KRT39: variants seen among roughly 807,000 people sequenced by gnomAD.
The protein encoded by KRT39 is keratin 39.
A neutral mutation model predicts 54.8 loss-of-function variants in KRT39; 47 were observed. The ratio of observed to expected loss-of-function variants is 0.86; its 90% CI spans 0.68 to 1.09. The LOEUF is 1.09. KRT39 is among the 50% of genes least tolerant of loss of function. KRT39 has a pLI of 0.00. For synonymous variants in KRT39, 207 were observed against 227.9 expected, an observed-to-expected ratio of 0.91 and a Z score of 0.83; for missense variants, 580 against 598.5, an observed-to-expected ratio of 0.97 and a Z score of 0.32.
In KRT39 at chr17:40,958,600, G is replaced by A. The variant is rs147960252; in HGVS notation, c.*1C>T. On this transcript the variant is annotated 3_prime_UTR_variant, in exon 7 of 7. Transcript: ENST00000355612. ...TGGGTCATTTTCATCACCTTGGGAT[G>A]TTAGACTTTGGCAGGTCTGATGATG... 1,736 of 1,602,652 alleles carry A rather than the reference G, an allele frequency of 1.1e-3. 24 individuals are homozygous for A. The African/African-American group carries it at 0.021, about 19-fold the overall frequency.
At chr17:40,960,560 G>A (rs1911112880) in intron 5 of KRT39, 59 bp from the exon 6 acceptor site, 1 of 1,263,674 alleles carries the variant, frequency 7.9e-7, no homozygotes. Flanking sequence ...GGTCACCTGT[G>A]ACCTGTATCA....
chr17:40,960,665 C>G, intron 5 of KRT39, 164 bp from the exon 6 acceptor site: 3 of 609,254 alleles, frequency 4.9e-6, no homozygotes, highest in Admixed American at 5.9e-5. Context: ...CCCAAATGAT[C>G]AACTATGCTA....
At chr17:40,960,536 C>A in intron 5 of KRT39, 35 bp from the exon 6 acceptor site, 9 of 1,526,962 alleles carry the variant, frequency 5.9e-6, no homozygotes, top group Non-Finnish European at 8.2e-6. Context: ...TTTATAATGA[C>A]TCCTTTAAGC....
chr17:40,959,238 A>G (rs1567829379), intron 6 of KRT39, among the ~76,000 whole-genome samples: 1 of 152,220 alleles, frequency 6.6e-6, no homozygotes, highest in Non-Finnish European at 1.5e-5. Flanking sequence ...GAATGGATAT[A>G]ATGGAAACTA....
At chr17:40,965,663 C>T (rs1274081405) in intron 1 of KRT39, among the ~76,000 whole-genome samples, 1 of 152,128 alleles carries the variant, frequency 6.6e-6, no homozygotes, top group Non-Finnish European at 1.5e-5. Context: ...GAGATGATAA[C>T]ATAAGCATAA....
chr17:40,960,425 A>G lies in KRT39; in HGVS notation c.1073T>C (p.Ile358Thr), dbSNP rs1409534644. Residue 358 changes from isoleucine to threonine, a missense_variant, in exon 6 of 7, where the codon ATT becomes ACT. Coordinates refer to ENST00000355612, the MANE Select transcript of KRT39 (RefSeq NM_213656.4). ...TGCCAGCTGAGCTTCCAGGTTATCAATCAGACTCTGGATCTGGGTCAGCAA... is the reference window on the plus strand; with the variant it reads ...TGCCAGCTGAGCTTCCAGGTTATCAGTCAGACTCTGGATCTGGGTCAGCAA... ...TALLTQIQSL[I>T]DNLEAQLAEI... is the part of the protein sequence containing the mutation. 5.6e-6 allele frequency: 9 copies of G among 1,614,030 alleles called. No individual in the cohort carries two copies. The highest frequency in any genetic ancestry group is 2.2e-5 in the East Asian group (1 of 44,860).
At chr17:40,964,026 T>A (rs1911263028) in intron 2 of KRT39, 2 of 435,404 alleles carry the variant, frequency 4.6e-6, no homozygotes, top group Non-Finnish European at 8.1e-6. Flanking sequence ...TTGTCCTTCC[T>A]CTGCCCCTAG....
chr17:40,962,819 T>C (rs1320763733), intron 3 of KRT39, among the ~76,000 whole-genome samples: 1 of 152,182 alleles, frequency 6.6e-6, no homozygotes, highest in Non-Finnish European at 1.5e-5. Flanking sequence ...ATTTAGATCA[T>C]TTCCAGGGCT....
chr17:40,962,616 T>A, intron 3 of KRT39, 53 bp from the exon 4 acceptor site: 1 of 1,512,560 alleles, frequency 6.6e-7, no homozygotes, highest in Non-Finnish European at 9.0e-7. Context: ...AACCCCTTTG[T>A]GTTCTTGTTT....
chr17:40,964,604 G>T, intron 1 of KRT39, 76 bp from the exon 2 acceptor site: 1 of 970,754 alleles, frequency 1.0e-6, no homozygotes, highest in Non-Finnish European at 1.7e-6. Flanking sequence ...GGGTTTGTGT[G>T]TGTGTCAAGT....
chr17:40,966,520 T>G lies in KRT39; in HGVS notation c.337A>C (p.Lys113Gln), dbSNP rs771006854. The G allele has an allele frequency of 6.2e-7, 1 of 1,614,074 alleles. No individual in the cohort carries two copies. The highest frequency in any genetic ancestry group is 8.5e-7 in the Non-Finnish European group (1 of 1,180,034). The change falls in exon 1 of 7, where the codon AAG (lysine) becomes CAG (glutamine). Residue 113 changes from lysine to glutamine, a missense_variant. Transcript: ENST00000355612. The stretch of plus-strand genomic sequence containing the variant: ...TTCTCTCGTTCTAGCATTCGCACCT[T>G]TTGCAGGTAGTTAGCAAGGCGCTCG... ...LNERLANYLQ[K>Q]VRMLERENAE... is the part of the protein sequence containing the mutation.
chr17:40,959,065 A>G (rs561122680), intron 6 of KRT39, among the ~76,000 whole-genome samples: 2 of 152,354 alleles, frequency 1.3e-5, no homozygotes, highest in Admixed American at 1.3e-4. Flanking sequence ...TAGGTTTAGA[A>G]GTATTCGATT....
At position 40,958,727 on chromosome 17, in the gene KRT39, G is replaced by A. The variant is rs764274049; in HGVS notation, c.1350C>T (p.Ala450=). Residue 450 remains alanine, a synonymous_variant, in exon 7 of 7, where the codon GCC becomes GCT. Transcript: ENST00000355612. ...CCAGTATCCGGGACAGGGGTCCGCA[G>A]GCACTGCAGTGCTCCTTTAAGCTGC... ...SPCSLKEHCS[A]CGPLSRILVK... 2 of 1,614,132 alleles carry A rather than the reference G, an allele frequency of 1.2e-6. No individual in the cohort carries two copies. Among genetic ancestry groups the A allele is most frequent in the East Asian group, 2.2e-5 (1 of 44,878 alleles).
chr17:40,966,199 T>G (rs1339702422), intron 1 of KRT39, among the ~76,000 whole-genome samples, 190 bp downstream of exon 1: 1 of 152,130 alleles, frequency 6.6e-6, no homozygotes, highest in Non-Finnish European at 1.5e-5. Flanking sequence ...TGTGCATCAC[T>G]GCGCCTGACC....
At chr17:40,960,245 C>CT (rs760245161) in intron 6 of KRT39, 36 bp downstream of exon 6, 12 of 1,581,834 alleles carry the variant, frequency 7.6e-6, no homozygotes, top group Admixed American at 1.7e-5. Flanking sequence ...TTCATTTACA[C>CT]TTTTTTGTCA....
intron 5 of KRT39, among the ~76,000 whole-genome samples, chr17:40,961,161 G>A (rs1006678671): frequency 7.9e-5 from 12 of 151,246 alleles, no homozygotes; most frequent in African/African-American, 2.7e-4. Flanking sequence ...CATTACCATG[G>A]CACTTCATTC....
chr17:40,962,473 CT>C lies in KRT39; in HGVS notation c.798del (p.Glu267LysfsTer2). 1.2e-6 allele frequency: 2 copies of C among 1,614,178 alleles called. No individual in the cohort carries two copies. The highest frequency in any genetic ancestry group is 1.7e-6 in the Non-Finnish European group (2 of 1,180,020). On this transcript the variant is annotated frameshift_variant, in exon 4 of 7. Transcript: ENST00000355612. LOFTEE classifies it high-confidence loss of function. ...ATGGGCTCATATTGACATCTCATTT[CT>C]TGTAGAACCTGGTTTAGGTCAGCAG... is the stretch of plus-strand genomic sequence containing the variant. The part of the protein sequence containing the change: ...APSADLNQVL[Q>X]EMRCQYEPIM...
In KRT39 at chr17:40,960,433, C is replaced by A; in HGVS notation, c.1065G>T (p.Gln355His). ...GAGCTTCCAGGTTATCAATCAGACTCTGGATCTGGGTCAGCAAGGCCGTGT... is the reference window on the plus strand; with the variant it reads ...GAGCTTCCAGGTTATCAATCAGACTATGGATCTGGGTCAGCAAGGCCGTGT... ...ARYTALLTQI[Q>H]SLIDNLEAQL... Residue 355 changes from glutamine to histidine, a missense_variant, in exon 6 of 7, where the codon CAG becomes CAT. Gln to His is a conservative substitution (Grantham distance 24, BLOSUM62 0). Coordinates refer to ENST00000355612, the MANE Select transcript of KRT39 (RefSeq NM_213656.4). The A allele has an allele frequency of 6.2e-7, 1 of 1,614,066 alleles. No homozygotes were observed.
In KRT39 at chr17:40,958,640, A is replaced by C; in HGVS notation, c.1437T>G (p.His479Gln). The change falls in exon 7 of 7, where the codon CAT becomes CAG. Residue 479 changes from histidine to glutamine, a missense_variant. By Grantham distance (24) the His-to-Gln change is conservative. Coordinates refer to ENST00000355612, the MANE Select transcript of KRT39 (RefSeq NM_213656.4). ...KDGKVISSYE[H>Q]VQPCFIIRPA... is the part of the protein sequence containing the mutation. ...GTCTGATGATGAAACAAGGCTGCAC[A>C]TGCTCGTAAGAAGAAATGACCTTCC... 1.9e-6 allele frequency: 3 copies of C among 1,613,648 alleles called. No individual in the cohort carries two copies. Among genetic ancestry groups the C allele is most frequent in the Non-Finnish European group, 1.7e-6 (2 of 1,179,798 alleles).
Sources: gnomAD v4.1 joint callset for allele counts (sites outside exome capture counted in the v4.1 genomes callset) on GRCh38, gnomAD v4.1.1 for gene constraint, MANE v1.5 for transcripts, NCBI Gene and HGNC (gene_info 2026-07-23, HGNC 2026-07-21) for gene names.